MYOM2: variants seen among roughly 807,000 people sequenced by gnomAD.
MYOM2 encodes the protein myomesin 2.
A neutral mutation model predicts 187.6 loss-of-function variants in MYOM2; 254 were observed. The ratio of observed to expected loss-of-function variants is 1.35; its 90% confidence interval spans 1.22 to 1.50. The LOEUF is 1.50. Among genes scored for constraint, MYOM2 ranks in the 40% most tolerant of loss-of-function variants. The pLI is 0.00. For missense variants in MYOM2, 2,796 were observed against 1,924.0 expected, an observed-to-expected ratio of 1.45 and a Z score of -8.48; for synonymous variants, 981 against 753.8, an observed-to-expected ratio of 1.30 and a Z score of -4.94.
chr8:2,129,875 T>C (rs1472928123), intron 32 of MYOM2, among the ~76,000 whole-genome samples: 2 of 151,092 alleles, frequency 1.3e-5, no homozygotes, highest in African/African-American at 2.4e-5. Context: ...AATCGAGGAG[T>C]CCCCAAAACA....
intron 30 of MYOM2, among the ~76,000 whole-genome samples, chr8:2,123,904 T>C (rs887465651): frequency 6.6e-6 from 1 of 152,258 alleles, no homozygotes; most frequent in Non-Finnish European, 1.5e-5. Flanking sequence ...GCATTACTAA[T>C]GCAGTTAAAA....
At chr8:2,137,932 C>G (rs1358228625) in intron 32 of MYOM2, among the ~76,000 whole-genome samples, 1 of 152,176 alleles carries the variant, frequency 6.6e-6, no homozygotes, top group African/African-American at 2.4e-5. Flanking sequence ...TCTTGCTGCT[C>G]CTCACACGCC....
At chr8:2,110,900 T>G (rs1797048514) in intron 25 of MYOM2, among the ~76,000 whole-genome samples, 3 of 152,180 alleles carry the variant, frequency 2.0e-5, no homozygotes, top group Admixed American at 2.0e-4. Context: ...ATGAGAATCA[T>G]GACACACTTT....
chr8:2,105,716 C>T (rs1796865366), intron 21 of MYOM2, among the ~76,000 whole-genome samples: 1 of 152,144 alleles, frequency 6.6e-6, no homozygotes, highest in Admixed American at 6.5e-5. Context: ...CCAAGCCCCT[C>T]CAGGTCCTCC....
chr8:2,101,188 A>C (rs534574438), intron 20 of MYOM2, 134 bp downstream of exon 20: 1 of 846,082 alleles, frequency 1.2e-6, no homozygotes, highest in South Asian at 1.8e-5. Context: ...TCTACTAAAA[A>C]TACAAAAAAA....
chr8:2,104,411 G>T (rs183703880), intron 21 of MYOM2, among the ~76,000 whole-genome samples: 2,087 of 152,082 alleles, frequency 0.014, 58 homozygotes, highest in African/African-American at 0.047. Context: ...GACCATCCTG[G>T]CTAACACAGT....
chr8:2,097,176 A>G, intron 18 of MYOM2: 1 of 871,046 alleles, frequency 1.1e-6, no homozygotes, highest in Non-Finnish European at 1.4e-6. Flanking sequence ...ATCTTTGTCT[A>G]CTAGAAAATT....
In MYOM2 at chr8:2,076,273, T is replaced by C. The variant is rs1819416376; in HGVS notation, c.1253T>C (p.Phe418Ser). The C allele has an allele frequency of 6.2e-7, 1 of 1,613,614 alleles. No individual in the cohort carries two copies. The highest frequency in any genetic ancestry group is 8.5e-7 in the Non-Finnish European group (1 of 1,179,910). ...ACTGAGAGCCCCGTCATGGGCTATTTTGTGGACCGGTGAGCGTCTTGCATT... is the reference window on the plus strand; with the variant it reads ...ACTGAGAGCCCCGTCATGGGCTATTCTGTGGACCGGTGAGCGTCTTGCATT... Reference protein sequence around the residue: ...TTTESPVMGYFVDRCEVGTNN... With the variant: ...TTTESPVMGYSVDRCEVGTNN... Residue 418 changes from phenylalanine to serine, a missense_variant, in exon 11 of 37, where the codon TTT becomes TCT. Phe to Ser is a radical substitution (Grantham distance 155). Transcript: ENST00000262113.
Position 2,135,525 on chromosome 8 carries a change from C to T in MYOM2, c.3801-5198C>T, listed in dbSNP as rs76659814. Among the ~76,000 whole-genome samples, 210 of 152,284 alleles carry T rather than the reference C, an allele frequency of 1.4e-3. 5 individuals carry two copies. The East Asian group carries it at 0.029, about 21-fold the overall frequency. ...TCCTCCCTGCTCACCTGCCCCCGCC[C>T]CTTACCTGTCTCCTTCCTACCTACC... On this transcript the variant is annotated intron_variant, in intron 32 of 36. Transcript: ENST00000262113.
chr8:2,104,776 C>G (rs1796836942), intron 21 of MYOM2, among the ~76,000 whole-genome samples: 1 of 152,006 alleles, frequency 6.6e-6, no homozygotes, highest in South Asian at 2.1e-4. Context: ...CGGAAACGGA[C>G]CCAGCATGGG....
rs144986708 is a variant in MYOM2 at position 2,063,250 on chromosome 8, C to A, written c.653+4005C>A. Among the ~76,000 whole-genome samples the A allele has an allele frequency of 2.7e-4, 41 of 152,340 alleles. 3 individuals are homozygous for A. The East Asian group carries it at 7.9e-3, about 29-fold the overall frequency. Reference sequence around the variant, plus strand: ...AGCCGCCGGTCATCCGATCTGTGGCCATTTTCAGTGGCAGAATGTGTTGGC... The same window carrying A: ...AGCCGCCGGTCATCCGATCTGTGGCAATTTTCAGTGGCAGAATGTGTTGGC... On this transcript the variant is annotated intron_variant, in intron 6 of 36. Coordinates refer to ENST00000262113, the MANE Select transcript of MYOM2 (RefSeq NM_003970.4).
chr8:2,102,641 T>G, intron 20 of MYOM2, 26 bp from the exon 21 acceptor site: 1 of 1,505,682 alleles, frequency 6.6e-7, no homozygotes, highest in Non-Finnish European at 9.2e-7. Context: ...CCTCCACACA[T>G]CTGGTGTTTC....
intron 8 of MYOM2, among the ~76,000 whole-genome samples, chr8:2,070,903 G>A (rs992060826): frequency 3.9e-5 from 6 of 152,152 alleles, no homozygotes; most frequent in African/African-American, 1.2e-4. Context: ...AGCAGCCAGT[G>A]CTGCTCCTGC....
chr8:2,066,124 C>G (rs1012115695), intron 6 of MYOM2, among the ~76,000 whole-genome samples: 1 of 152,204 alleles, frequency 6.6e-6, no homozygotes, highest in African/African-American at 2.4e-5. Context: ...ACCTGCTGGG[C>G]TTGGGGACAG....
In MYOM2 at chr8:2,144,959, C is replaced by T. The variant is rs1209158905; in HGVS notation, c.4376C>T (p.Ser1459Phe). Residue 1459 changes from serine (S) to phenylalanine (F), a missense_variant, in exon 37 of 37, where the codon TCT becomes TTT. Transcript: ENST00000262113. The part of the protein sequence containing the change: ...QQAKPKLIPA[S>F]ASAAGQ Reference sequence around the variant, plus strand: ...GCCAAGCCCAAGCTCATCCCCGCGTCTGCCTCAGCGGCAGGCCAGTGAAGG... The same window carrying T: ...GCCAAGCCCAAGCTCATCCCCGCGTTTGCCTCAGCGGCAGGCCAGTGAAGG... 1.2e-6 allele frequency: 2 copies of T among 1,614,138 alleles called. No homozygotes were observed. Among genetic ancestry groups the T allele is most frequent in the South Asian group, 1.1e-5 (1 of 91,076 alleles).
intron 1 of MYOM2, 74 bp from the exon 2 acceptor site, chr8:2,050,681 G>C: frequency 1.2e-6 from 1 of 862,042 alleles, no homozygotes; most frequent in Non-Finnish European, 1.9e-6. Flanking sequence ...TTCCCCTTTG[G>C]AATGATGCAG....
chr8:2,095,390 C>G (rs1026996934), intron 17 of MYOM2, among the ~76,000 whole-genome samples: 3 of 151,208 alleles, frequency 2.0e-5, no homozygotes, highest in Admixed American at 6.6e-5. Flanking sequence ...CTTTTGGGCT[C>G]AAGTGATCCT....
At chr8:2,117,082 A>G (rs1797274427) in intron 27 of MYOM2, among the ~76,000 whole-genome samples, 1 of 152,204 alleles carries the variant, frequency 6.6e-6, no homozygotes, top group African/African-American at 2.4e-5. Flanking sequence ...ATTTTTATAT[A>G]TGGGATTTCT....
intron 1 of MYOM2, among the ~76,000 whole-genome samples, chr8:2,048,185 G>C (rs1382112811): frequency 3.9e-5 from 6 of 152,262 alleles, no homozygotes; most frequent in African/African-American, 1.4e-4. Flanking sequence ...GCAATAGCAG[G>C]TACTGGGGAT....
Sources: gnomAD v4.1 joint callset for allele counts (sites outside exome capture counted in the v4.1 genomes callset) on GRCh38, gnomAD v4.1.1 for gene constraint, MANE v1.5 for transcripts, NCBI Gene and HGNC (gene_info 2026-07-23, HGNC 2026-07-21) for gene names.